MGAT5: variants seen among roughly 807,000 people sequenced by gnomAD.
MGAT5 encodes alpha-1,6-mannosylglycoprotein 6-beta-N-acetylglucosaminyltransferase, also known as alpha-1,6-mannosylglycoprotein 6-beta-N-acetylglucosaminyltransferase A.
A neutral mutation model predicts 94.3 loss-of-function variants in MGAT5; 30 were observed. That is an observed-to-expected ratio of 0.32 (90% CI 0.24 to 0.43). The LOEUF (loss-of-function observed/expected upper bound fraction) is 0.43, where lower values mean the gene tolerates loss of function less well. Ranked by LOEUF, MGAT5 falls within the 20% of genes least tolerant of loss-of-function variation. The pLI, the probability that MGAT5 is intolerant of heterozygous loss-of-function variation, is 1.00. For synonymous variants in MGAT5, 310 were observed against 322.9 expected (o/e 0.96, Z 0.43); for missense variants, 691 against 905.5 (o/e 0.76, Z 3.04).
At chr2:134,288,645 T>A (rs1350649531) in intron 2 of MGAT5, among the ~76,000 whole-genome samples, 1 of 152,244 alleles carries the variant, frequency 6.6e-6, no homozygotes, top group Non-Finnish European at 1.5e-5. Context: ...CTAATAAGCA[T>A]GAATGTCATG....
At position 134,345,172 on chromosome 2, in the gene MGAT5, T is replaced by C. The variant is rs1009786382; in HGVS notation, c.1112+108T>C. On this transcript the variant is annotated intron_variant, in intron 8 of 15. Transcript: ENST00000281923. ...ATCAAATAGTATCTTTTCAGCTGTA[T>C]GGAGTGTTGCTCATTCGTAATTGAA... The C allele has an allele frequency of 1.1e-4, 127 of 1,122,158 alleles. 1 individual carries two copies. Among genetic ancestry groups the C allele is most frequent in the South Asian group, 5.5e-4 (30 of 54,478 alleles). The allele number at this position is 1,122,158 out of a possible 1,614,324, so 69.5% of individuals were successfully genotyped here.
chr2:134,377,111 A>G (rs1471364387), intron 10 of MGAT5, among the ~76,000 whole-genome samples: 3 of 152,218 alleles, frequency 2.0e-5, no homozygotes, highest in Non-Finnish European at 4.4e-5. Context: ...ACCTGTTTGG[A>G]TAAATTAAAA....
chr2:134,261,318 C>T (rs549828723), intron 1 of MGAT5, among the ~76,000 whole-genome samples: 1 of 152,270 alleles, frequency 6.6e-6, no homozygotes, highest in Admixed American at 6.5e-5. Context: ...TCTGCTTCTT[C>T]CCAGCTGTGT....
intron 2 of MGAT5, among the ~76,000 whole-genome samples, chr2:134,304,343 T>A (rs1400996092): frequency 6.6e-6 from 1 of 152,180 alleles, no homozygotes; most frequent in East Asian, 1.9e-4. Flanking sequence ...GACTGCACTT[T>A]ATTCTGGATA....
At chr2:134,383,782 C>T (rs1280874696) in intron 10 of MGAT5, among the ~76,000 whole-genome samples, 1 of 151,816 alleles carries the variant, frequency 6.6e-6, no homozygotes, top group Non-Finnish European at 1.5e-5. Flanking sequence ...TGGCTCACTG[C>T]AAGCTCCGCC....
At chr2:134,286,690 G>A (rs1464055341) in intron 2 of MGAT5, among the ~76,000 whole-genome samples, 1 of 152,168 alleles carries the variant, frequency 6.6e-6, no homozygotes, top group Non-Finnish European at 1.5e-5. Flanking sequence ...AAAGTGCTGA[G>A]ATTATAGGTG....
intron 2 of MGAT5, among the ~76,000 whole-genome samples, chr2:134,294,931 T>G (rs1685583142): frequency 6.6e-6 from 1 of 152,232 alleles, no homozygotes; most frequent in East Asian, 1.9e-4. Context: ...TGTGAGGTCC[T>G]GTTCCAGCCA....
intron 1 of MGAT5, among the ~76,000 whole-genome samples, chr2:134,163,346 G>A (rs1687821686): frequency 6.6e-6 from 1 of 152,182 alleles, no homozygotes; most frequent in Admixed American, 6.5e-5. Context: ...GTGAGTAGGG[G>A]CTGGAGTAAG....
chr2:134,198,019 G>A (rs1462158966), intron 1 of MGAT5, among the ~76,000 whole-genome samples: 2 of 152,178 alleles, frequency 1.3e-5, no homozygotes, highest in South Asian at 2.1e-4. Flanking sequence ...TCCTATGGAA[G>A]AAAGGGAGAA....
chr2:134,419,915 G>A (rs1489323159), intron 12 of MGAT5, among the ~76,000 whole-genome samples: 1 of 152,078 alleles, frequency 6.6e-6, no homozygotes, highest in African/African-American at 2.4e-5. Context: ...AATCTAATCA[G>A]TTCTCCAGGC....
chr2:134,341,704 C>G lies in MGAT5; in HGVS notation c.922C>G (p.Leu308Val). Residue 308 changes from leucine to valine, a missense_variant, in exon 7 of 16, where the codon CTG becomes GTG. Around this residue, in one of 4 missense-constraint regions of MGAT5, gnomAD observed 121 missense variants for 206.1 expected, o/e 0.59. Coordinates refer to ENST00000281923, the MANE Select transcript of MGAT5 (RefSeq NM_002410.5). ...LVQWSDLITS[L>V]YLLGHDIRIS... ...TCAATGGAGTGATTTAATTACATCTCTGTACTTACTGGGCCATGACATTAG... is the reference window on the plus strand; with the variant it reads ...TCAATGGAGTGATTTAATTACATCTGTGTACTTACTGGGCCATGACATTAG... The G allele has an allele frequency of 6.2e-7, 1 of 1,613,462 alleles. No individual in the cohort carries two copies. The highest frequency in any genetic ancestry group is 8.5e-7 in the Non-Finnish European group (1 of 1,179,640).
At chr2:134,294,429 A>G (rs1315209137) in intron 2 of MGAT5, among the ~76,000 whole-genome samples, 1 of 152,156 alleles carries the variant, frequency 6.6e-6, no homozygotes, top group East Asian at 1.9e-4. Flanking sequence ...TTCTGAGACA[A>G]ATTTAGAAAT....
At chr2:134,380,442 C>T (rs1171558485) in intron 10 of MGAT5, among the ~76,000 whole-genome samples, 3 of 152,290 alleles carry the variant, frequency 2.0e-5, no homozygotes, top group African/African-American at 4.8e-5. Flanking sequence ...CCCTTTCTGG[C>T]CTGTTGTGAT....
chr2:134,417,159 G>T (rs1471164187), intron 12 of MGAT5, among the ~76,000 whole-genome samples: 1 of 152,000 alleles, frequency 6.6e-6, no homozygotes, highest in Non-Finnish European at 1.5e-5. Context: ...AAGTAGACTT[G>T]CTAGAATTTA....
intron 1 of MGAT5, among the ~76,000 whole-genome samples, chr2:134,255,765 G>T (rs1233430768): frequency 6.6e-6 from 1 of 152,086 alleles, no homozygotes; most frequent in East Asian, 1.9e-4. Flanking sequence ...GTTGTGTTTT[G>T]TGACCCACTC....
chr2:134,372,586 C>T (rs928611385), intron 10 of MGAT5, among the ~76,000 whole-genome samples: 2 of 152,210 alleles, frequency 1.3e-5, no homozygotes, highest in African/African-American at 4.8e-5. Flanking sequence ...AGTGTCCCTC[C>T]TTTCCTGTGA....
Position 134,362,315 on chromosome 2 carries a change from G to A in MGAT5, c.1287G>A (p.Glu429=). Residue 429 remains glutamate (E), a synonymous_variant, in exon 10 of 16, where the codon GAG becomes GAA. Coordinates refer to ENST00000281923, the MANE Select transcript of MGAT5 (RefSeq NM_002410.5). ...ACAGCTTTCTGGGGTTTGTGGTTGA[G>A]CAGCACCTGAACTCCAGTGATATCC... is the stretch of plus-strand genomic sequence containing the variant. The part of the protein sequence containing the change: ...PDNSFLGFVV[E]QHLNSSDIHH... The A allele has an allele frequency of 1.2e-6, 2 of 1,614,014 alleles. No individual in the cohort carries two copies. Among genetic ancestry groups the A allele is most frequent in the East Asian group, 4.5e-5 (2 of 44,882 alleles).
In MGAT5 at chr2:134,318,507, C is replaced by T. The variant is rs1687133370; in HGVS notation, c.484-143C>T. ...GCTGCACACCTGGCTATCTTGACCTCGGCTCAGTGACCCTGTCACTCAGTT... is the reference window on the plus strand; with the variant it reads ...GCTGCACACCTGGCTATCTTGACCTTGGCTCAGTGACCCTGTCACTCAGTT... On this transcript the variant is annotated intron_variant, in intron 3 of 15. Coordinates refer to ENST00000281923, the MANE Select transcript of MGAT5 (RefSeq NM_002410.5). 5 of 655,318 alleles carry T rather than the reference C, an allele frequency of 7.6e-6. No homozygotes were observed. The South Asian group carries it at 9.1e-5, about 12-fold the overall frequency. The allele number at this position is 655,318 out of a possible 1,614,324, so 40.6% of individuals were successfully genotyped here.
At chr2:134,249,296 C>T (rs540972703), upstream of MGAT5, among the ~76,000 whole-genome samples, 1 of 151,290 alleles carries the variant, frequency 6.6e-6, no homozygotes, top group East Asian at 2.0e-4. Context: ...ACGTATACAA[C>T]TCCATGGCTT....
Sources: allele counts gnomAD v4.1 joint callset (sites outside exome capture counted in the v4.1 genomes callset), GRCh38; gene constraint gnomAD v4.1.1; regional missense constraint gnomAD v4.1.1; transcripts MANE v1.5; gene names NCBI Gene and HGNC (gene_info 2026-07-23, HGNC 2026-07-21).